Variants in CPD observed in about 807,000 individuals in gnomAD.
CPD encodes carboxypeptidase D.
A neutral mutation model predicts 138.3 loss-of-function variants in CPD; 69 were observed. The observed-to-expected ratio is 0.50, with a 90% CI of 0.41 to 0.61. CPD has a LOEUF of 0.61. Among genes scored for constraint, CPD ranks in the 20% least tolerant of loss-of-function variants. CPD has a pLI of 0.00. For missense variants in CPD, 1,432 were observed against 1,733.3 expected (o/e 0.83, Z 3.09); for synonymous variants, 651 against 642.1 (o/e 1.01, Z -0.21).
intron 2 of CPD, among the ~76,000 whole-genome samples, chr17:30,392,100 C>T (rs1567866198): frequency 6.6e-6 from 1 of 151,158 alleles, no homozygotes; most frequent in African/African-American, 2.4e-5. Flanking sequence ...GCCTCTGCCT[C>T]CCAGGTTCCA....
intron 2 of CPD, among the ~76,000 whole-genome samples, chr17:30,388,369 C>A (rs1911253810): frequency 6.6e-6 from 1 of 152,176 alleles, no homozygotes; most frequent in South Asian, 2.1e-4. Flanking sequence ...TTCCATGGCA[C>A]CCCGGCTGCT....
intron 1 of CPD, among the ~76,000 whole-genome samples, chr17:30,383,721 A>G (rs1355331782): frequency 6.6e-6 from 1 of 151,982 alleles, no homozygotes; most frequent in African/African-American, 2.4e-5. Context: ...CAAATTAGAC[A>G]TGATAGGTTT....
chr17:30,378,997 A>G lies in CPD; in HGVS notation c.17A>G (p.Asp6Gly). ...TGCTGGAAGATGGCGAGCGGCCGGG[A>G]CGAGCGGCCGCCTTGGCGGCTAGGG... MASGR[D>G]ERPPWRLGRL... Residue 6 changes from aspartate (D) to glycine (G), a missense_variant, in exon 1 of 21, where the codon GAC becomes GGC. Coordinates refer to ENST00000225719, the MANE Select transcript of CPD (RefSeq NM_001304.5). 1 of 1,543,852 alleles carries G rather than the reference A, an allele frequency of 6.5e-7. No individual in the cohort carries two copies. The highest frequency in any genetic ancestry group is 8.7e-7 in the Non-Finnish European group (1 of 1,155,490).
At position 30,384,971 on chromosome 17, in the gene CPD, T is replaced by G. The variant is rs1911140892; in HGVS notation, c.747-18T>G. The G allele has an allele frequency of 6.2e-7, 1 of 1,605,744 alleles. No individual in the cohort carries two copies. Among genetic ancestry groups the G allele is most frequent in the Admixed American group, 1.7e-5 (1 of 58,888 alleles). On this transcript the variant is annotated intron_variant, in intron 1 of 20. Transcript: ENST00000225719. ...GTGTCCTTTTTTAGTGATACGTGATTTGGTTGTATTTTCAAAGGTTTGTGC... is the reference window on the plus strand; with the variant it reads ...GTGTCCTTTTTTAGTGATACGTGATGTGGTTGTATTTTCAAAGGTTTGTGC...
In CPD at chr17:30,423,674, A is replaced by G. The variant is rs1159501959; in HGVS notation, c.1826A>G (p.Asp609Gly). 5.0e-6 allele frequency: 8 copies of G among 1,596,824 alleles called. No homozygotes were observed. The highest frequency in any genetic ancestry group is 6.8e-6 in the Non-Finnish European group (8 of 1,172,614). ...RIHLMPSMNP[D>G]GYEKSQEGDS... ...CACCTTATGCCATCCATGAATCCTG[A>G]TGGGTATGAAAAGTCCCAGGAAGGT... Residue 609 changes from aspartate (D) to glycine (G), a missense_variant, in exon 6 of 21, where the codon GAT (aspartate) becomes GGT (glycine). This residue lies in a region of CPD where 297 missense variants were observed against 405.3 expected (regional missense o/e 0.73). Transcript: ENST00000225719.
intron 1 of CPD, among the ~76,000 whole-genome samples, chr17:30,384,625 C>G (rs112139967): frequency 6.6e-6 from 1 of 152,208 alleles, no homozygotes; most frequent in Non-Finnish European, 1.5e-5. Flanking sequence ...TTGGCAAGCT[C>G]AAAGCTCATA....
Position 30,443,786 on chromosome 17 carries a change from C to T in CPD, c.2374-16C>T, listed in dbSNP as rs890653542. The stretch of plus-strand genomic sequence containing the variant: ...ATGTTTATTATTGAAATCTGGTGTC[C>T]TTGTACTTAATCCAGGTTCATCAGG... On this transcript the variant is annotated splice_polypyrimidine_tract_variant and intron_variant, in intron 10 of 20. Transcript: ENST00000225719. The T allele has an allele frequency of 2.5e-6, 4 of 1,596,498 alleles. No individual in the cohort carries two copies. The African/African-American group carries it at 4.0e-5, about 16-fold the overall frequency.
chr17:30,392,927 G>GTCTA, intron 2 of CPD, among the ~76,000 whole-genome samples: 1 of 152,304 alleles, frequency 6.6e-6, no homozygotes, highest in South Asian at 2.1e-4. Flanking sequence ...GCTCATGTGA[G>GTCTA]TCTATGGATT....
At chr17:30,434,961 A>G (rs1597724132) in intron 8 of CPD, among the ~76,000 whole-genome samples, 1 of 152,322 alleles carries the variant, frequency 6.6e-6, no homozygotes, top group East Asian at 1.9e-4. Flanking sequence ...AACTTCACAT[A>G]TAGACACTAA....
intron 2 of CPD, among the ~76,000 whole-genome samples, chr17:30,409,884 C>A (rs576742186): frequency 6.6e-6 from 1 of 152,004 alleles, no homozygotes; most frequent in Non-Finnish European, 1.5e-5. Flanking sequence ...TTAGTTATTT[C>A]TTGCCTTCTG....
intron 2 of CPD, among the ~76,000 whole-genome samples, chr17:30,395,196 CTTTT>C (rs35079822): frequency 3.1e-5 from 3 of 97,802 alleles, no homozygotes; most frequent in Non-Finnish European, 2.1e-5. Context: ...CAGATGGGTG[CTTTT>C]TTTTTTTTTT....
intron 6 of CPD, among the ~76,000 whole-genome samples, chr17:30,426,772 T>C (rs1342183870): frequency 2.0e-5 from 3 of 152,202 alleles, no homozygotes; most frequent in African/African-American, 7.2e-5. Flanking sequence ...GTGGTTTAGT[T>C]TTGGGAAAGG....
Position 30,427,376 on chromosome 17 carries a change from T to C in CPD, c.1850-15T>C. The C allele has an allele frequency of 6.2e-7, 1 of 1,612,262 alleles. No individual in the cohort carries two copies. The highest frequency in any genetic ancestry group is 8.5e-7 in the Non-Finnish European group (1 of 1,178,348). On this transcript the variant is annotated splice_polypyrimidine_tract_variant and intron_variant, in intron 6 of 20. Transcript: ENST00000225719. ...GAACATGGCTTATATTCAAATCCTT[T>C]ATCATATCATACAGGAGATTCAATA...
intron 8 of CPD, among the ~76,000 whole-genome samples, chr17:30,432,520 T>C (rs562759055): frequency 6.6e-6 from 1 of 152,234 alleles, no homozygotes; most frequent in East Asian, 1.9e-4. Context: ...CAGGCAGAAA[T>C]TTCTGTATTT....
At position 30,462,062 on chromosome 17, in the gene CPD, G is replaced by C. The variant is rs749282950; in HGVS notation, c.3816G>C (p.Gln1272His). ...ATGGGTACCAGCAACAACATTCACAGGTAAGAAACTCAAATTGAGTAGCAT... is the reference window on the plus strand; with the variant it reads ...ATGGGTACCAGCAACAACATTCACACGTAAGAAACTCAAATTGAGTAGCAT... ...IADGYQQQHS[Q>H]VFVHHDAASS... The change falls in exon 19 of 21, where the codon CAG (glutamine) becomes CAC (histidine). Residue 1272 changes from glutamine (Q) to histidine (H), a missense_variant and splice_region_variant. By Grantham distance (24) the Gln-to-His change is conservative (BLOSUM62 0). Transcript: ENST00000225719. 6.2e-7 allele frequency: 1 copy of C among 1,601,078 alleles called. No homozygotes were observed. Among genetic ancestry groups the C allele is most frequent in the Non-Finnish European group, 8.5e-7 (1 of 1,175,732 alleles).
In CPD at chr17:30,455,046, A is replaced by G. The variant is rs901159982; in HGVS notation, c.3206-293A>G. ...AGGTTATTTATATATTCCCTAAATT[A>G]TTTTGTAAAGCTGGATATGCTTATT... On this transcript the variant is annotated intron_variant, in intron 14 of 20. Transcript: ENST00000225719. The G allele has an allele frequency of 2.5e-5, 5 of 198,410 alleles. 1 individual carries two copies. The highest frequency in any genetic ancestry group is 2.3e-4 in the Admixed American group (4 of 17,494). The allele number at this position is 198,410 out of a possible 1,614,324, so 12.3% of individuals were successfully genotyped here. A position where few individuals can be genotyped will look rare whatever the true frequency, so the allele number is the denominator to read the frequency against.
At chr17:30,385,926 G>T (rs990044840) in intron 2 of CPD, among the ~76,000 whole-genome samples, 4 of 151,778 alleles carry the variant, frequency 2.6e-5, no homozygotes, top group Admixed American at 6.6e-5. Flanking sequence ...ATCATGTTGC[G>T]CATTATATCA....
intron 2 of CPD, among the ~76,000 whole-genome samples, chr17:30,388,886 G>T (rs1481187242): frequency 6.6e-6 from 1 of 152,162 alleles, no homozygotes; most frequent in Non-Finnish European, 1.5e-5. Flanking sequence ...GTCACCCCAC[G>T]TGTGGCGGAC....
intron 9 of CPD, among the ~76,000 whole-genome samples, chr17:30,441,760 C>T (rs1299037674): frequency 7.5e-6 from 1 of 132,674 alleles, no homozygotes; most frequent in Admixed American, 8.0e-5. Context: ...AGGGATGAAG[C>T]CCACTTGATC....
Sources: allele counts gnomAD v4.1 joint callset (sites outside exome capture counted in the v4.1 genomes callset), GRCh38; gene constraint gnomAD v4.1.1; regional missense constraint gnomAD v4.1.1; transcripts MANE v1.5; gene names NCBI Gene and HGNC (gene_info 2026-07-23, HGNC 2026-07-21).